The following ATOSA variants were observed in gnomAD, a reference collection of about 807,000 sequenced individuals.
The protein encoded by ATOSA is atos homolog protein A.
the ATOSA span, among the ~76,000 whole-genome samples, chr15:52,606,846 AAAG>A: frequency 3.9e-5 from 6 of 152,188 alleles, no homozygotes; most frequent in Non-Finnish European, 8.8e-5. Context: ...TTTGAGTGAT[AAAG>A]AAGACAAACT....
chr15:52,681,337 T>C, the ATOSA span, among the ~76,000 whole-genome samples: 1 of 152,230 alleles, frequency 6.6e-6, no homozygotes, highest in Admixed American at 6.5e-5. Context: ...TCTCTGAGAA[T>C]GTAAAGGTCA....
the ATOSA span, among the ~76,000 whole-genome samples, chr15:52,645,651 C>G: frequency 1.3e-5 from 2 of 152,150 alleles, no homozygotes; most frequent in Non-Finnish European, 2.9e-5. Flanking sequence ...CTTACCTGCA[C>G]TAATCCTATT....
At chr15:52,646,634 G>A in the ATOSA span, among the ~76,000 whole-genome samples, 1 of 152,146 alleles carries the variant, frequency 6.6e-6, no homozygotes, top group Non-Finnish European at 1.5e-5. Flanking sequence ...CATATCCCTT[G>A]AAGTGGGGGA....
At chr15:52,673,816 T>G in the ATOSA span, among the ~76,000 whole-genome samples, 3 of 152,124 alleles carry the variant, frequency 2.0e-5, no homozygotes, top group Non-Finnish European at 4.4e-5. Flanking sequence ...TGCCCAGGAG[T>G]GAATTGTTTG....
the ATOSA span, among the ~76,000 whole-genome samples, chr15:52,629,355 ATCAC>A: frequency 1.2e-4 from 18 of 152,200 alleles, no homozygotes; most frequent in African/African-American, 3.9e-4. Context: ...ACACATCATA[ATCAC>A]TCAAAGTCCA....
At chr15:52,615,009 GTT>G in the ATOSA span, among the ~76,000 whole-genome samples, 4 of 152,140 alleles carry the variant, frequency 2.6e-5, no homozygotes, top group African/African-American at 9.7e-5. Context: ...CCAACTGCAT[GTT>G]TCTCTTTCTC....
the ATOSA span, among the ~76,000 whole-genome samples, chr15:52,607,135 T>C: frequency 2.0e-5 from 3 of 152,184 alleles, no homozygotes; most frequent in Admixed American, 1.3e-4. Flanking sequence ...GAAACAGGTT[T>C]TTATAAGTAA....
chr15:52,680,274 A>G, the ATOSA span, among the ~76,000 whole-genome samples: 1 of 152,208 alleles, frequency 6.6e-6, no homozygotes, highest in Non-Finnish European at 1.5e-5. Flanking sequence ...CGCTGCAGCT[A>G]TTAGCTACTC....
the ATOSA span, among the ~76,000 whole-genome samples, chr15:52,691,373 T>C: frequency 6.6e-6 from 1 of 152,194 alleles, no homozygotes; most frequent in Admixed American, 6.5e-5. Flanking sequence ...TATCTGCAAC[T>C]CTCTGGGAAC....
the ATOSA span, chr15:52,611,177 T>A: frequency 6.2e-7 from 1 of 1,613,900 alleles, no homozygotes; most frequent in Non-Finnish European, 8.5e-7. Flanking sequence ...CACTCAGCCA[T>A]GCACTTAACT....
chr15:52,583,224 A>G, the ATOSA span, among the ~76,000 whole-genome samples: 1 of 152,218 alleles, frequency 6.6e-6, no homozygotes, highest in Non-Finnish European at 1.5e-5. Flanking sequence ...GGAGATTATA[A>G]AAGCTAAGGT....
At chr15:52,643,591 T>C in the ATOSA span, among the ~76,000 whole-genome samples, 1 of 117,024 alleles carries the variant, frequency 8.5e-6, no homozygotes. Context: ...CCTTGAACTC[T>C]TTTTTTTTTT....
chr15:52,686,461 T>G, the ATOSA span, among the ~76,000 whole-genome samples: 2 of 152,324 alleles, frequency 1.3e-5, no homozygotes, highest in Non-Finnish European at 2.9e-5. Context: ...TGTCTCAATT[T>G]AAGAAAGAAA....
chr15:52,692,400 A>G, the ATOSA span, among the ~76,000 whole-genome samples: 1 of 152,220 alleles, frequency 6.6e-6, no homozygotes, highest in Admixed American at 6.5e-5. Context: ...TCCATCACCC[A>G]GGCTGGAGTG....
the ATOSA span, among the ~76,000 whole-genome samples, chr15:52,686,964 T>C: frequency 6.6e-6 from 1 of 152,354 alleles, no homozygotes; most frequent in South Asian, 2.1e-4. Flanking sequence ...TAAAATGTCA[T>C]TTCTGTATAA....
the ATOSA span, among the ~76,000 whole-genome samples, chr15:52,708,659 C>T: frequency 2.4e-3 from 359 of 152,198 alleles, 2 homozygotes; most frequent in African/African-American, 8.4e-3. Flanking sequence ...AATAACCCAG[C>T]ATCCCTTTAA....
At chr15:52,701,440 A>T in the ATOSA span, among the ~76,000 whole-genome samples, 1 of 152,252 alleles carries the variant, frequency 6.6e-6, no homozygotes, top group South Asian at 2.1e-4. Flanking sequence ...CCCTGTCTCC[A>T]GTATATATAT....
the ATOSA span, among the ~76,000 whole-genome samples, chr15:52,671,279 T>A: frequency 6.6e-6 from 1 of 152,180 alleles, no homozygotes; most frequent in Non-Finnish European, 1.5e-5. Context: ...TTTCAAAAAA[T>A]TAAGTATAAA....
the ATOSA span, among the ~76,000 whole-genome samples, chr15:52,616,822 G>A: frequency 9.3e-4 from 142 of 152,294 alleles, no homozygotes; most frequent in African/African-American, 3.2e-3. Context: ...TAGTGAATGA[G>A]AGAAACAAGA....
Sources: allele counts gnomAD v4.1 joint callset (sites outside exome capture counted in the v4.1 genomes callset), GRCh38; gene constraint gnomAD v4.1.1; transcripts MANE v1.5; gene names NCBI Gene and HGNC (gene_info 2026-07-23, HGNC 2026-07-21).